SGCZ: variants seen among roughly 807,000 people sequenced by gnomAD.
SGCZ encodes the protein sarcoglycan zeta, also known as zeta-sarcoglycan.
Under a neutral mutation model 41.3 loss-of-function variants are expected in SGCZ, and 40 were observed. The ratio of observed to expected loss-of-function variants is 0.97; its 90% CI spans 0.75 to 1.26. SGCZ has a LOEUF of 1.26. Ranked by LOEUF, SGCZ falls within the 50% of genes most tolerant of loss-of-function variation. SGCZ has a pLI of 0.00. For missense variants in SGCZ, 552 were observed against 369.8 expected (o/e 1.49, Z -4.04); for synonymous variants, 206 against 137.5 (o/e 1.50, Z -3.49).
chr8:15,110,005 T>A (rs1806983791), intron 1 of SGCZ, among the ~76,000 whole-genome samples: 1 of 152,204 alleles, frequency 6.6e-6, no homozygotes, highest in South Asian at 2.1e-4. Context: ...CATGTGGCAT[T>A]CTTTCTTCTC....
In SGCZ at chr8:14,573,610, G is replaced by C. The variant is rs193246103; in HGVS notation, c.40-18684C>G. On this transcript the variant is annotated intron_variant, in intron 1 of 7. Coordinates refer to ENST00000382080, the MANE Select transcript of SGCZ (RefSeq NM_139167.4). ...TTTCTACTTGGATTATAATAACTTT[G>C]TCTTATTTTTATTGTATTTATCTTT... Among the ~76,000 whole-genome samples the C allele has an allele frequency of 8.5e-5, 13 of 152,130 alleles. No homozygotes were observed. The East Asian group carries it at 1.4e-3, about 16-fold the overall frequency.
intron 2 of SGCZ, among the ~76,000 whole-genome samples, chr8:14,397,581 C>T (rs759193959): frequency 5.3e-5 from 8 of 152,112 alleles, no homozygotes; most frequent in Non-Finnish European, 8.8e-5. Flanking sequence ...CATGGTAAAG[C>T]AGTATTTTTT....
At chr8:14,218,374 A>T (rs1451229860) in intron 4 of SGCZ, among the ~76,000 whole-genome samples, 1 of 152,224 alleles carries the variant, frequency 6.6e-6, no homozygotes, top group Non-Finnish European at 1.5e-5. Context: ...TTAATGAAAG[A>T]TGTTCATGTT....
intron 1 of SGCZ, among the ~76,000 whole-genome samples, chr8:15,225,512 A>T (rs1392483484): frequency 6.6e-6 from 1 of 152,154 alleles, no homozygotes; most frequent in Non-Finnish European, 1.5e-5. Flanking sequence ...ATGTGCACGC[A>T]CATGCACGTG....
chr8:14,184,034 G>C (rs564270013), intron 4 of SGCZ, among the ~76,000 whole-genome samples: 16 of 152,120 alleles, frequency 1.1e-4, no homozygotes, highest in South Asian at 4.1e-4. Flanking sequence ...GAAAACGAAA[G>C]GTAAATGATG....
chr8:15,048,423 G>A lies in SGCZ; in HGVS notation c.39+189162C>T, dbSNP rs192703413. Among the ~76,000 whole-genome samples the A allele has an allele frequency of 3.3e-5, 5 of 152,074 alleles. No individual in the cohort carries two copies. In the South Asian group the frequency reaches 8.3e-4, roughly 25 times the overall value. ...AGTTCTAGTGTTCAATAGCTCAGTAGGGTGACTATACTTAATAATAATTCA... is the reference window on the plus strand; with the variant it reads ...AGTTCTAGTGTTCAATAGCTCAGTAAGGTGACTATACTTAATAATAATTCA... On this transcript the variant is annotated intron_variant, in intron 1 of 7. Transcript: ENST00000382080.
chr8:14,699,914 A>G (rs1809081164), intron 1 of SGCZ, among the ~76,000 whole-genome samples: 1 of 152,054 alleles, frequency 6.6e-6, no homozygotes, highest in African/African-American at 2.4e-5. Flanking sequence ...ATACCACCTC[A>G]CACTAGTCAA....
intron 1 of SGCZ, among the ~76,000 whole-genome samples, chr8:14,597,988 A>G (rs943257134): frequency 6.6e-6 from 1 of 152,222 alleles, no homozygotes; most frequent in Non-Finnish European, 1.5e-5. Context: ...TGAAAAATAC[A>G]TATGAACAAA....
chr8:14,787,564 C>G (rs912145007), intron 1 of SGCZ, among the ~76,000 whole-genome samples: 12 of 151,964 alleles, frequency 7.9e-5, no homozygotes, highest in African/African-American at 2.9e-4. Flanking sequence ...AATATTCCAG[C>G]CGGGCGGGAT....
intron 1 of SGCZ, among the ~76,000 whole-genome samples, chr8:14,908,476 G>A (rs1340930901): frequency 2.0e-5 from 3 of 152,166 alleles, no homozygotes; most frequent in Non-Finnish European, 4.4e-5. Flanking sequence ...AACTGGCCAG[G>A]TGCACTGGCT....
rs565728029 is a variant in SGCZ at position 15,233,872 on chromosome 8, G to A, written c.39+3713C>T. The stretch of plus-strand genomic sequence containing the variant: ...CTGACAGATAAATAAATAAAATCTA[G>A]GATCTAACTTGACTGAAAAAAATTA... On this transcript the variant is annotated intron_variant, in intron 1 of 7. Transcript: ENST00000382080. 7.2e-5 allele frequency among the ~76,000 whole-genome samples: 11 copies of A among 152,050 alleles called. No individual in the cohort carries two copies. In the South Asian group the frequency reaches 1.2e-3, roughly 17 times the overall value.
intron 2 of SGCZ, among the ~76,000 whole-genome samples, chr8:14,411,038 T>C (rs775383698): frequency 6.6e-6 from 1 of 152,110 alleles, no homozygotes; most frequent in East Asian, 1.9e-4. Context: ...CAATTCCAGA[T>C]AGAAATATTT....
At chr8:14,584,875 A>G (rs1377616407) in intron 1 of SGCZ, among the ~76,000 whole-genome samples, 1 of 152,142 alleles carries the variant, frequency 6.6e-6, no homozygotes, top group Admixed American at 6.5e-5. Context: ...TTTTGTAGAA[A>G]GAAACAGAAT....
chr8:14,983,216 C>G (rs540588365), intron 1 of SGCZ, among the ~76,000 whole-genome samples: 1 of 147,292 alleles, frequency 6.8e-6, no homozygotes, highest in Non-Finnish European at 1.5e-5. Flanking sequence ...GACAGGTTCT[C>G]ACTCTCTCGC....
At chr8:14,179,240 G>A (rs1406024046) in intron 4 of SGCZ, among the ~76,000 whole-genome samples, 3 of 152,172 alleles carry the variant, frequency 2.0e-5, no homozygotes, top group African/African-American at 7.2e-5. Flanking sequence ...AGAATGACGG[G>A]AAATTATCAT....
chr8:15,230,960 G>A (rs796297378), intron 1 of SGCZ, among the ~76,000 whole-genome samples: 5 of 152,178 alleles, frequency 3.3e-5, no homozygotes, highest in African/African-American at 9.6e-5. Context: ...ACTGGTAGAC[G>A]GCAGAGCCAG....
At chr8:14,318,100 C>T (rs549725109) in intron 3 of SGCZ, among the ~76,000 whole-genome samples, 70 of 151,656 alleles carry the variant, frequency 4.6e-4, no homozygotes, top group African/African-American at 1.6e-3. Context: ...GGTTGTATTT[C>T]AATTCGGTAA....
rs190025272 is a variant in SGCZ, at chr8:15,099,115, G to A, written c.39+138470C>T. Among the ~76,000 whole-genome samples, 10 of 152,272 alleles carry A rather than the reference G, an allele frequency of 6.6e-5. No homozygotes were observed. In the East Asian group the frequency reaches 1.9e-3, roughly 29 times the overall value. The stretch of plus-strand genomic sequence containing the variant: ...GCCTCTGCAGGTTTTATTAAACCAT[G>A]GTTTTTCAAATTGTTATTGTGTAGA... On this transcript the variant is annotated intron_variant, in intron 1 of 7. Coordinates refer to ENST00000382080, the MANE Select transcript of SGCZ (RefSeq NM_139167.4).
chr8:14,520,706 A>T (rs906907067), intron 2 of SGCZ, among the ~76,000 whole-genome samples: 2 of 152,128 alleles, frequency 1.3e-5, no homozygotes, highest in Non-Finnish European at 2.9e-5. Context: ...TGCATAATAC[A>T]CTTTAGAATG....
Sources: allele counts gnomAD v4.1 joint callset (sites outside exome capture counted in the v4.1 genomes callset), GRCh38; gene constraint gnomAD v4.1.1; transcripts MANE v1.5; gene names NCBI Gene and HGNC (gene_info 2026-07-23, HGNC 2026-07-21).